Variants in BRCA1 observed in about 807,000 individuals in gnomAD.
The protein encoded by BRCA1 is BRCA1 DNA repair associated.
A neutral mutation model predicts 173.7 loss-of-function variants in BRCA1; 140 were observed. The observed-to-expected ratio is 0.81, with a 90% CI of 0.70 to 0.93. The LOEUF is 0.93. Among genes scored for constraint, BRCA1 ranks in the 40% least tolerant of loss-of-function variants. BRCA1 has a pLI of 0.00. For synonymous variants in BRCA1, 662 were observed against 756.0 expected (o/e 0.88, Z 2.04); for missense variants, 1,983 against 2,172.5 (o/e 0.91, Z 1.73).
intron 3 of BRCA1, among the ~76,000 whole-genome samples, chr17:43,107,150 C>T (rs1473312627): frequency 2.0e-5 from 3 of 150,642 alleles, no homozygotes; most frequent in South Asian, 2.1e-4. Context: ...CTGCAAGCTC[C>T]ACCTCCTGGG....
At chr17:43,100,684 T>A (rs1396941132) in intron 6 of BRCA1, among the ~76,000 whole-genome samples, 1 of 12,568 alleles carries the variant, frequency 8.0e-5, no homozygotes, top group African/African-American at 2.1e-4. Context: ...ATATAATATA[T>A]ATATATATAT....
intron 3 of BRCA1, among the ~76,000 whole-genome samples, chr17:43,107,903 G>A (rs1567813283): frequency 6.6e-6 from 1 of 152,114 alleles, no homozygotes; most frequent in Non-Finnish European, 1.5e-5. Flanking sequence ...TCTAGATGGA[G>A]GGGATTCAAT....
chr17:43,122,188 A>C (rs931387075), intron 2 of BRCA1, among the ~76,000 whole-genome samples: 1 of 152,214 alleles, frequency 6.6e-6, no homozygotes, highest in African/African-American at 2.4e-5. Context: ...TTCAAATATG[A>C]AAAACAACTT....
At chr17:43,071,731 C>T (rs922072913) in intron 14 of BRCA1, among the ~76,000 whole-genome samples, 1 of 150,822 alleles carries the variant, frequency 6.6e-6, no homozygotes. Flanking sequence ...GGGCCGAGCA[C>T]GGTGGCTCAC....
rs397509162 is a variant in BRCA1, at chr17:43,104,131, AT to A, written c.431del (p.Asn144IlefsTer19). The A allele has an allele frequency of 6.2e-7, 1 of 1,613,250 alleles. No individual in the cohort carries two copies. Among genetic ancestry groups the A allele is most frequent in the South Asian group, 1.1e-5 (1 of 90,930 alleles). Reference sequence around the variant, plus strand: ...AAACAAATGGTTTTACCAAGGAAGGATTTTCGGGTTCACTCTGTAGAAGTCT... The same window carrying A: ...AAACAAATGGTTTTACCAAGGAAGGATTTCGGGTTCACTCTGTAGAAGTCT... Reference protein sequence around the residue: ...AKRLLQSEPENPSLQETSLSV... With the variant: ...AKRLLQSEPEXPSLQETSLSV... On this transcript the variant is annotated frameshift_variant, in exon 6 of 23. Transcript: ENST00000357654. LOFTEE classifies it high-confidence loss of function.
intron 6 of BRCA1, among the ~76,000 whole-genome samples, chr17:43,100,569 TATAAC>T (rs1277361755): frequency 4.5e-4 from 45 of 99,468 alleles, no homozygotes; most frequent in African/African-American, 1.6e-3. Flanking sequence ...TATATATATA[TATAAC>T]ATATATATAA....
chr17:43,135,722 G>A (rs2056015448), intron 1 of BRCA1, among the ~76,000 whole-genome samples: 1 of 152,176 alleles, frequency 6.6e-6, no homozygotes, highest in African/African-American at 2.4e-5. Context: ...TCAGGCTCAG[G>A]ATTTTCACTC....
chr17:43,145,222 T>A, intron 1 of BRCA1: 1 of 703,872 alleles, frequency 1.4e-6, no homozygotes, highest in African/African-American at 1.8e-5. Flanking sequence ...GTCCAGCCTC[T>A]GATGAAGCAG....
In BRCA1 at chr17:43,094,598, AG is replaced by A; in HGVS notation, c.932del (p.Pro311LeufsTer3). 2 of 1,614,108 alleles carry A rather than the reference AG, an allele frequency of 1.2e-6. No individual in the cohort carries two copies. Among genetic ancestry groups the A allele is most frequent in the Non-Finnish European group, 1.7e-6 (2 of 1,180,024 alleles). ...KAEFCNKSKQ[P>X]GLARSQHNRW... ...TGTTATGTTGGCTCCTTGCTAAGCC[AG>A]GCTGTTTGCTTTTATTACAGAATTC... is the stretch of plus-strand genomic sequence containing the variant. On this transcript the variant is annotated frameshift_variant, in exon 10 of 23. Transcript: ENST00000357654. LOFTEE classifies it high-confidence loss of function.
At chr17:43,100,560 A>ATACATATATATAACATATATATAT (rs2054346201) in intron 6 of BRCA1, among the ~76,000 whole-genome samples, 1 of 16,080 alleles carries the variant, frequency 6.2e-5, no homozygotes, top group Non-Finnish European at 2.0e-4. Flanking sequence ...GTGTGTGTGT[A>ATACATATATATAACATATATATAT]TATATATATA....
Position 43,091,771 on chromosome 17 carries a change from T to C in BRCA1, c.3760A>G (p.Lys1254Glu), listed in dbSNP as rs80357362. 3.1e-6 allele frequency: 5 copies of C among 1,614,118 alleles called. No homozygotes were observed. The highest frequency in any genetic ancestry group is 1.1e-5 in the South Asian group (1 of 91,076). ...HSTVATECLSKNTEENLLSLK... is the reference protein window; with the variant it reads ...HSTVATECLSENTEENLLSLK... ...GATAATAAATTCTCCTCTGTGTTCT[T>C]AGACAGACACTCGGTAGCAACGGTG... is the stretch of plus-strand genomic sequence containing the variant. Residue 1254 changes from lysine (K) to glutamate (E), a missense_variant, in exon 10 of 23, where the codon AAG becomes GAG. Physicochemically the swap from Lys to Glu is moderately conservative, Grantham distance 56. Transcript: ENST00000357654.
intron 1 of BRCA1, among the ~76,000 whole-genome samples, chr17:43,157,995 CAAAA>C (rs557006036): frequency 4.6e-5 from 3 of 65,934 alleles, no homozygotes; most frequent in African/African-American, 9.4e-5. Flanking sequence ...AACTCTGTCT[CAAAA>C]AAAAAAAAAA....
upstream of BRCA1, among the ~76,000 whole-genome samples, chr17:43,128,933 C>G (rs923401695): frequency 1.3e-5 from 2 of 151,630 alleles, no homozygotes; most frequent in African/African-American, 2.4e-5. Context: ...GCTGGGATTA[C>G]AGGCATGAGC....
In BRCA1 at chr17:43,063,305, T is replaced by C. The variant is rs1440184813; in HGVS notation, c.5193+28A>G. The stretch of plus-strand genomic sequence containing the variant: ...AACTATATGACTGAATGAATATCTC[T>C]GGTTAGTTTGTAACATCAAGTACTT... On this transcript the variant is annotated intron_variant, in intron 18 of 22. Transcript: ENST00000357654. 1 of 1,564,796 alleles carries C rather than the reference T, an allele frequency of 6.4e-7. No individual in the cohort carries two copies. Among genetic ancestry groups the C allele is most frequent in the Non-Finnish European group, 8.8e-7 (1 of 1,135,400 alleles).
intron 12 of BRCA1, among the ~76,000 whole-genome samples, chr17:43,076,924 AAT>A (rs1365405640): frequency 6.6e-6 from 1 of 152,180 alleles, no homozygotes; most frequent in Non-Finnish European, 1.5e-5. Flanking sequence ...AATGATAAAA[AAT>A]ATATATAACA....
In BRCA1 at chr17:43,133,676, C is replaced by T. The variant is rs529825241; in HGVS notation, c.-19-9561G>A. ...TTGAGACAGGATCTCACTCTGTTACCCAGGCTGGAGTGCAGTGGCATGATC... is the reference window on the plus strand; with the variant it reads ...TTGAGACAGGATCTCACTCTGTTACTCAGGCTGGAGTGCAGTGGCATGATC... On this transcript the variant is annotated intron_variant, in intron 1 of 7. Transcript: ENST00000634433. 8.9e-4 allele frequency among the ~76,000 whole-genome samples: 134 copies of T among 149,902 alleles called. 1 individual carries two copies. Among genetic ancestry groups the T allele is most frequent in the African/African-American group, 2.8e-3 (115 of 41,010 alleles).
chr17:43,100,639 TATATAACATATATATAACA>T (rs1567807410), intron 6 of BRCA1, among the ~76,000 whole-genome samples: 16 of 63,242 alleles, frequency 2.5e-4, no homozygotes, highest in South Asian at 1.9e-3. Flanking sequence ...ATGTTATATA[TATATAACATATATATAACA>T]TATATATATA....
intron 12 of BRCA1, among the ~76,000 whole-genome samples, chr17:43,081,183 A>C (rs898906307): frequency 7.9e-5 from 12 of 152,228 alleles, no homozygotes; most frequent in African/African-American, 2.4e-4. Flanking sequence ...GTTTAGACTG[A>C]AGATGGTGAA....
Position 43,045,653 on chromosome 17 carries a change from G to A in BRCA1, c.*25C>T, listed in dbSNP as rs769632909. 2 of 1,613,684 alleles carry A rather than the reference G, an allele frequency of 1.2e-6. No homozygotes were observed. The highest frequency in any genetic ancestry group is 1.3e-5 in the African/African-American group (1 of 75,016). On this transcript the variant is annotated 3_prime_UTR_variant, in exon 23 of 23. Coordinates refer to ENST00000357654, the MANE Select transcript of BRCA1 (RefSeq NM_007294.4). Reference sequence around the variant, plus strand: ...GTAAGCTCATTCTTGGGGTCCTGTGGCTCTGTACCTGTGGCTGGCTGCAGT... The same window carrying A: ...GTAAGCTCATTCTTGGGGTCCTGTGACTCTGTACCTGTGGCTGGCTGCAGT...
Sources: allele counts gnomAD v4.1 joint callset (sites outside exome capture counted in the v4.1 genomes callset), GRCh38; gene constraint gnomAD v4.1.1; transcripts MANE v1.5; gene names NCBI Gene and HGNC (gene_info 2026-07-23, HGNC 2026-07-21).